SMC1B: variants seen among roughly 807,000 people sequenced by gnomAD.
SMC1B encodes structural maintenance of chromosomes protein 1B.
Under a neutral mutation model 157.9 loss-of-function variants are expected in SMC1B, and 60 were observed. That is an observed-to-expected ratio of 0.38 (90% CI 0.31 to 0.47). The LOEUF is 0.47. SMC1B is among the 20% of genes least tolerant of loss of function. SMC1B has a pLI of 0.99. For synonymous variants in SMC1B, 445 were observed against 483.0 expected, an observed-to-expected ratio of 0.92 and a Z score of 1.03; for missense variants, 1,165 against 1,426.2, an observed-to-expected ratio of 0.82 and a Z score of 2.95.
Position 45,359,900 on chromosome 22 carries a change from G to A in SMC1B, c.2767C>T (p.Arg923Ter). Residue 923 changes from arginine to a stop codon, truncating the protein, a stop_gained, in exon 18 of 25, where the codon CGA becomes TGA. Transcript: ENST00000357450. LOFTEE classifies it high-confidence loss of function. ...AGCAGCAAGTTATGCTTCTCTAATC[G>A]TTTCTGTTCCAGAGAAGTTTGAATA... is the stretch of plus-strand genomic sequence containing the variant. ...VSIQTSLEQK[R>*]LEKHNLLLDC... is the part of the protein sequence containing the mutation. 6.2e-7 allele frequency: 1 copy of A among 1,613,734 alleles called. No homozygotes were observed. Among genetic ancestry groups the A allele is most frequent in the Non-Finnish European group, 8.5e-7 (1 of 1,179,770 alleles).
At chr22:45,353,378 C>A (rs940364977) in intron 21 of SMC1B, among the ~76,000 whole-genome samples, 3 of 151,494 alleles carry the variant, frequency 2.0e-5, no homozygotes, top group Non-Finnish European at 4.4e-5. Context: ...GATCCAGGAT[C>A]ACCTTTTAGT....
At chr22:45,363,454 G>T (rs1602056102) in intron 15 of SMC1B, among the ~76,000 whole-genome samples, 2 of 152,316 alleles carry the variant, frequency 1.3e-5, no homozygotes, top group Admixed American at 6.5e-5. Flanking sequence ...GGCCAAGGTG[G>T]CACATCACTT....
At position 45,389,730 on chromosome 22, in the gene SMC1B, G is replaced by A. The variant is rs767239577; in HGVS notation, c.1713C>T (p.Leu571=). 17 of 1,613,714 alleles carry A rather than the reference G, an allele frequency of 1.1e-5. No homozygotes were observed. The highest frequency in any genetic ancestry group is 6.7e-5 in the Admixed American group (4 of 59,984). Reference sequence around the variant, plus strand: ...TTCTTACATCAAGGTAATCTAGAGCGAGGAATGTCTCAGGTTCAGCTCTTT... The same window carrying A: ...TTCTTACATCAAGGTAATCTAGAGCAAGGAATGTCTCAGGTTCAGCTCTTT... ...KEERAEPETF[L]ALDYLDIKPI... is the part of the protein sequence containing the mutation. Residue 571 remains leucine (L), a synonymous_variant, in exon 10 of 25, where the codon CTC becomes CTT. Coordinates refer to ENST00000357450, the MANE Select transcript of SMC1B (RefSeq NM_148674.5).
chr22:45,367,232 GT>G (rs997390320), intron 15 of SMC1B, among the ~76,000 whole-genome samples: 14 of 152,100 alleles, frequency 9.2e-5, no homozygotes, highest in Admixed American at 7.9e-4. Flanking sequence ...GCTTGTTTTT[GT>G]TTTTTTATTT....
At chr22:45,413,430 T>C in intron 1 of SMC1B, 29 bp downstream of exon 1, 2 of 1,545,606 alleles carry the variant, frequency 1.3e-6, no homozygotes, top group Non-Finnish European at 1.8e-6. Context: ...GCGGAGGCGC[T>C]CCGGTGGCGC....
Position 45,399,248 on chromosome 22 carries a change from C to T in SMC1B, c.960G>A (p.Lys320=). The part of the protein sequence containing the change: ...KKLDVAKKSI[K]DSEKQCSKQE... ...GTTTAGAACATTGTTTTTCGCTGTC[C>T]TTTATTGATTTCTTAGCCACATCTA... The change falls in exon 6 of 25, where the codon AAG becomes AAA. Residue 320 remains lysine, a synonymous_variant. Transcript: ENST00000357450. 1 of 1,614,040 alleles carries T rather than the reference C, an allele frequency of 6.2e-7. No individual in the cohort carries two copies. The highest frequency in any genetic ancestry group is 1.1e-5 in the South Asian group (1 of 91,088).
chr22:45,360,024 A>T, intron 17 of SMC1B, 66 bp from the exon 18 acceptor site: 1 of 1,227,886 alleles, frequency 8.1e-7, no homozygotes, highest in Non-Finnish European at 1.2e-6. Flanking sequence ...AGGAAGAAAA[A>T]TGTATGCTAT....
chr22:45,390,700 TC>T (rs1330606725), intron 9 of SMC1B, among the ~76,000 whole-genome samples: 1 of 90,680 alleles, frequency 1.1e-5, no homozygotes, highest in Non-Finnish European at 1.9e-5. Context: ...CAAGACTCCA[TC>T]TTAAAAAAAA....
chr22:45,354,169 C>CT lies in SMC1B; in HGVS notation c.3119-38dup, dbSNP rs763309734. On this transcript the variant is annotated intron_variant, in intron 20 of 24. Transcript: ENST00000357450. ...TCAATGTTCTTTATTTTAGAGACCA[C>CT]TGAGGAGGTTCTTTTACTTAAACTG... is the stretch of plus-strand genomic sequence containing the variant. 4.1e-6 allele frequency: 6 copies of CT among 1,454,232 alleles called. No individual in the cohort carries two copies. In the East Asian group the frequency reaches 1.6e-4, roughly 38 times the overall value. The allele number at this position is 1,454,232 out of a possible 1,614,324, so 90.1% of individuals were successfully genotyped here.
At chr22:45,413,265 C>T (rs984743896) in intron 1 of SMC1B, among the ~76,000 whole-genome samples, 194 bp downstream of exon 1, 23 of 151,966 alleles carry the variant, frequency 1.5e-4, no homozygotes, top group African/African-American at 5.1e-4. Context: ...CGGCGAGGAC[C>T]GGGGCTGAGG....
At chr22:45,359,478 C>A (rs1191364269) in intron 18 of SMC1B, among the ~76,000 whole-genome samples, 2 of 152,190 alleles carry the variant, frequency 1.3e-5, no homozygotes, top group Non-Finnish European at 2.9e-5. Flanking sequence ...AGGTGCAGAG[C>A]AAGAACCACC....
intron 22 of SMC1B, among the ~76,000 whole-genome samples, chr22:45,350,820 C>T (rs936154784): frequency 3.9e-5 from 6 of 152,152 alleles, no homozygotes; most frequent in African/African-American, 9.7e-5. Context: ...CAGCAAATTC[C>T]GTCTGCACAA....
intron 4 of SMC1B, among the ~76,000 whole-genome samples, chr22:45,403,564 C>T (rs1476279718): frequency 6.6e-6 from 1 of 152,204 alleles, no homozygotes; most frequent in African/African-American, 2.4e-5. Context: ...AGAGATCCTT[C>T]TGTGTCAGCC....
Position 45,344,585 on chromosome 22 carries a change from T to A in SMC1B, c.3679A>T (p.Ser1227Cys), listed in dbSNP as rs747897223. 1 of 1,613,994 alleles carries A rather than the reference T, an allele frequency of 6.2e-7. No individual in the cohort carries two copies. The highest frequency in any genetic ancestry group is 1.3e-5 in the African/African-American group (1 of 74,940). Residue 1227 changes from serine to cysteine, a missense_variant, in exon 25 of 25, where the codon AGC becomes TGC. Physicochemically the swap from Ser to Cys is moderately radical, Grantham distance 112. Coordinates refer to ENST00000357450, the MANE Select transcript of SMC1B (RefSeq NM_148674.5). ...SQYPDTEGQE[S>C]SKRHGESR is the part of the protein sequence containing the mutation. ...CGGGACTCTCCGTGTCTCTTGCTGC[T>A]TTCTTGGCCTTCAGTGTCTGGATAC...
rs563092863 is a variant in SMC1B, at chr22:45,401,660, C to T, written c.854+673G>A. Among the ~76,000 whole-genome samples, 9 of 152,356 alleles carry T rather than the reference C, an allele frequency of 5.9e-5. No individual in the cohort carries two copies. The East Asian group carries it at 1.2e-3, about 20-fold the overall frequency. On this transcript the variant is annotated intron_variant, in intron 5 of 24. Coordinates refer to ENST00000357450, the MANE Select transcript of SMC1B (RefSeq NM_148674.5). ...ACAACCCTTCATGCCCTAAATCAGA[C>T]ACCGCCTCCTCAAGCTCATCTATAA...
At chr22:45,356,727 CTTTTTTTTT>C (rs1174032906) in intron 19 of SMC1B, among the ~76,000 whole-genome samples, 32 of 126,428 alleles carry the variant, frequency 2.5e-4, no homozygotes, top group Admixed American at 1.6e-4. Flanking sequence ...TTTTTCTTTT[CTTTTTTTTT>C]TTTTTTTTTT....
intron 2 of SMC1B, among the ~76,000 whole-genome samples, chr22:45,408,218 C>A (rs567797692): frequency 6.6e-6 from 1 of 152,048 alleles, no homozygotes; most frequent in Non-Finnish European, 1.5e-5. Flanking sequence ...CTCTGCCTCC[C>A]GGGTTCATGC....
At chr22:45,407,672 C>A (rs6007022) in intron 2 of SMC1B, among the ~76,000 whole-genome samples, 1,924 of 152,254 alleles carry the variant, frequency 0.013, 38 homozygotes, top group African/African-American at 0.044. Context: ...TGGTCTCAAA[C>A]TCCCGAGTTC....
chr22:45,413,210 T>C (rs886104652), intron 1 of SMC1B, among the ~76,000 whole-genome samples: 1 of 150,038 alleles, frequency 6.7e-6, no homozygotes, highest in African/African-American at 2.5e-5. Context: ...GGTCAGGACC[T>C]CCGAGGTGGG....
Sources: allele counts gnomAD v4.1 joint callset (sites outside exome capture counted in the v4.1 genomes callset), GRCh38; gene constraint gnomAD v4.1.1; transcripts MANE v1.5; gene names NCBI Gene and HGNC (gene_info 2026-07-23, HGNC 2026-07-21).